Variants in AGFG1 observed in about 807,000 individuals in gnomAD.
AGFG1 encodes ArfGAP with FG repeats 1.
In AGFG1, 10 loss-of-function variants were observed where a neutral mutation model predicts 60.6. The ratio of observed to expected loss-of-function variants is 0.16; its 90% confidence interval spans 0.10 to 0.28. The LOEUF is 0.28. Ranked by LOEUF, AGFG1 falls within the 10% of genes least tolerant of loss-of-function variation. The pLI is 1.00. For missense variants in AGFG1, 537 were observed against 676.5 expected (o/e 0.79, Z 2.29); for synonymous variants, 247 against 242.9 (o/e 1.02, Z -0.16).
At chr2:227,549,609 G>T (rs1692760149) in intron 10 of AGFG1, among the ~76,000 whole-genome samples, 1 of 152,018 alleles carries the variant, frequency 6.6e-6, no homozygotes, top group Admixed American at 6.6e-5. Context: ...TAGTTAATGT[G>T]CTGATTTGTA....
intron 2 of AGFG1, among the ~76,000 whole-genome samples, chr2:227,506,483 C>G (rs954934990): frequency 7.0e-6 from 1 of 142,756 alleles, no homozygotes; most frequent in African/African-American, 2.6e-5. Context: ...TCTTCTTGTA[C>G]TTTAAGCTTT....
At chr2:227,519,068 A>G (rs534212860) in intron 2 of AGFG1, among the ~76,000 whole-genome samples, 1 of 152,184 alleles carries the variant, frequency 6.6e-6, no homozygotes, top group Non-Finnish European at 1.5e-5. Flanking sequence ...CAGCTTACTC[A>G]GGAGGCTGAA....
chr2:227,484,419 A>C (rs1690558769), intron 1 of AGFG1, among the ~76,000 whole-genome samples: 2 of 151,998 alleles, frequency 1.3e-5, no homozygotes, highest in African/African-American at 2.4e-5. Flanking sequence ...ACTCCTGATC[A>C]CAAGTGATCC....
intron 10 of AGFG1, among the ~76,000 whole-genome samples, chr2:227,537,599 A>G (rs1692350864): frequency 6.6e-6 from 1 of 151,934 alleles, no homozygotes; most frequent in African/African-American, 2.4e-5. Flanking sequence ...TTTTTGATTC[A>G]TACTGTAAGC....
rs1478002318 is a variant in AGFG1 at position 227,560,963 on chromosome 2, A to G, written c.*6468A>G. 1 of 152,208 alleles carries G rather than the reference A, an allele frequency of 6.6e-6. No individual in the cohort carries two copies. The highest frequency in any genetic ancestry group is 1.5e-5 in the Non-Finnish European group (1 of 68,008). The allele number at this position is 152,208 out of a possible 1,614,324, so 9.4% of individuals were successfully genotyped here. A position where few individuals can be genotyped will look rare whatever the true frequency, so the allele number is the denominator to read the frequency against. On this transcript the variant is annotated 3_prime_UTR_variant, in exon 13 of 13. Coordinates refer to ENST00000310078, the MANE Select transcript of AGFG1 (RefSeq NM_004504.5). ...TAGGGAACAAGGAAACTTACTGGGAAGTTCAAAAGAAAGAATAACAGGACC... is the reference window on the plus strand; with the variant it reads ...TAGGGAACAAGGAAACTTACTGGGAGGTTCAAAAGAAAGAATAACAGGACC...
intron 2 of AGFG1, among the ~76,000 whole-genome samples, chr2:227,519,481 A>G (rs1691765109): frequency 6.6e-6 from 1 of 152,222 alleles, no homozygotes; most frequent in African/African-American, 2.4e-5. Context: ...GGAGACAGCT[A>G]TAAAGCTAAT....
At chr2:227,524,122 T>G (rs774737260) in intron 4 of AGFG1, among the ~76,000 whole-genome samples, 197 bp downstream of exon 4, 1 of 152,068 alleles carries the variant, frequency 6.6e-6, no homozygotes, top group Non-Finnish European at 1.5e-5. Flanking sequence ...ATTGCTAATA[T>G]GAGTTTCTTT....
At position 227,472,349 on chromosome 2, in the gene AGFG1, T is replaced by G. The variant is rs1690115567; in HGVS notation, c.-73T>G. Reference sequence around the variant, plus strand: ...CGGCGGCCGCGGCCAGGGCGGCCCGTGGGACCGCGGGCCCCCGGCGCAGCG... The same window carrying G: ...CGGCGGCCGCGGCCAGGGCGGCCCGGGGGACCGCGGGCCCCCGGCGCAGCG... On this transcript the variant is annotated 5_prime_UTR_variant, in exon 1 of 13. Transcript: ENST00000310078. 2 of 948,476 alleles carry G rather than the reference T, an allele frequency of 2.1e-6. No homozygotes were observed. Among genetic ancestry groups the G allele is most frequent in the African/African-American group, 1.8e-5 (1 of 55,776 alleles). The allele number at this position is 948,476 out of a possible 1,614,324, so 58.8% of individuals were successfully genotyped here. A position where few individuals can be genotyped will look rare whatever the true frequency, so the allele number is the denominator to read the frequency against.
At chr2:227,507,520 A>C (rs1475987029) in intron 2 of AGFG1, among the ~76,000 whole-genome samples, 1 of 144,008 alleles carries the variant, frequency 6.9e-6, no homozygotes, top group Admixed American at 7.3e-5. Context: ...GGAGAATGGC[A>C]TGAACCCGGG....
intron 10 of AGFG1, among the ~76,000 whole-genome samples, chr2:227,543,175 T>A (rs1371955580): frequency 6.6e-6 from 1 of 152,234 alleles, no homozygotes; most frequent in Non-Finnish European, 1.5e-5. Context: ...GCTGTGATCT[T>A]AGTTATTTCT....
intron 10 of AGFG1, among the ~76,000 whole-genome samples, chr2:227,537,797 A>G (rs1692356937): frequency 6.6e-6 from 1 of 152,216 alleles, no homozygotes; most frequent in Admixed American, 6.5e-5. Flanking sequence ...CCTAAACTCC[A>G]GTTATAGCAA....
At chr2:227,511,789 G>T (rs1015724835) in intron 2 of AGFG1, among the ~76,000 whole-genome samples, 1 of 152,188 alleles carries the variant, frequency 6.6e-6, no homozygotes, top group Admixed American at 6.5e-5. Flanking sequence ...CCTGCCTCAT[G>T]ACATAGCATT....
At chr2:227,548,409 G>A (rs1692716479) in intron 10 of AGFG1, among the ~76,000 whole-genome samples, 1 of 152,154 alleles carries the variant, frequency 6.6e-6, no homozygotes, top group Non-Finnish European at 1.5e-5. Context: ...CAGAGCTTGG[G>A]GGGCATCTTT....
intron 2 of AGFG1, among the ~76,000 whole-genome samples, chr2:227,504,331 C>T (rs1575079980): frequency 6.6e-6 from 1 of 151,906 alleles, no homozygotes; most frequent in South Asian, 2.1e-4. Flanking sequence ...CACCTGGGAC[C>T]ACAGGCATAC....
rs2106244718 is a variant in AGFG1, at chr2:227,552,088, A to G, written c.1508A>G (p.Gln503Arg). The G allele has an allele frequency of 1.2e-6, 2 of 1,614,152 alleles. No individual in the cohort carries two copies. Among genetic ancestry groups the G allele is most frequent in the East Asian group, 4.5e-5 (2 of 44,884 alleles). The change falls in exon 11 of 13, where the codon CAA becomes CGA. Residue 503 changes from glutamine (Q) to arginine (R), a missense_variant. Physicochemically the swap from Gln to Arg is conservative, Grantham distance 43 (BLOSUM62 1). Coordinates refer to ENST00000310078, the MANE Select transcript of AGFG1 (RefSeq NM_004504.5). ...PAFPAQAAFP[Q>R]QTAFSQQPNG... is the part of the protein sequence containing the mutation. ...TTTCCAGCCCAAGCAGCTTTCCCTCAACAGACAGCTTTTTCTCAACAGCCC... is the reference window on the plus strand; with the variant it reads ...TTTCCAGCCCAAGCAGCTTTCCCTCGACAGACAGCTTTTTCTCAACAGCCC...
Position 227,533,736 on chromosome 2 carries a change from C to T in AGFG1, c.1002C>T (p.Asp334=), listed in dbSNP as rs1390075647. 6.2e-7 allele frequency: 1 copy of T among 1,613,558 alleles called. No homozygotes were observed. Among genetic ancestry groups the T allele is most frequent in the Admixed American group, 1.7e-5 (1 of 59,956 alleles). The change falls in exon 7 of 13, where the codon GAC becomes GAT. Residue 334 remains aspartate, a synonymous_variant. Transcript: ENST00000310078. The part of the protein sequence containing the change: ...ADKYAALANL[D]NIFSAGQGGD... ...AATATGCAGCACTTGCTAATTTAGACAATATCTTCAGTGCCGGGCAAGGTA... is the reference window on the plus strand; with the variant it reads ...AATATGCAGCACTTGCTAATTTAGATAATATCTTCAGTGCCGGGCAAGGTA...
chr2:227,545,658 C>CT (rs915240650), intron 10 of AGFG1, among the ~76,000 whole-genome samples: 3 of 151,880 alleles, frequency 2.0e-5, no homozygotes, highest in Non-Finnish European at 2.9e-5. Flanking sequence ...TGTGGGTGTC[C>CT]TTTTTTTTGA....
chr2:227,483,313 T>C (rs1448692137), intron 1 of AGFG1, among the ~76,000 whole-genome samples: 1 of 152,212 alleles, frequency 6.6e-6, no homozygotes, highest in Non-Finnish European at 1.5e-5. Context: ...ACTCTAAAAA[T>C]TGTGGTTACT....
At chr2:227,522,556 A>G (rs1328756634) in intron 3 of AGFG1, among the ~76,000 whole-genome samples, 1 of 152,154 alleles carries the variant, frequency 6.6e-6, no homozygotes, top group Non-Finnish European at 1.5e-5. Context: ...AACCTAGGCA[A>G]CTCTGCCTCT....
Sources: allele counts gnomAD v4.1 joint callset (sites outside exome capture counted in the v4.1 genomes callset), GRCh38; gene constraint gnomAD v4.1.1; transcripts MANE v1.5; gene names NCBI Gene and HGNC (gene_info 2026-07-23, HGNC 2026-07-21).